The following RYR2 variants were observed in gnomAD, a reference collection of about 807,000 sequenced individuals.
RYR2 encodes the protein ryanodine receptor 2, also known as cardiac muscle ryanodine receptor-calcium release channel.
Under a neutral mutation model 601.1 loss-of-function variants are expected in RYR2, and 227 were observed. The observed-to-expected ratio is 0.38, with a 90% CI of 0.34 to 0.42. RYR2 has a LOEUF of 0.42. RYR2 is among the 10% of genes least tolerant of loss of function. The pLI, the probability that RYR2 is intolerant of heterozygous loss-of-function variation, is 1.00. For synonymous variants in RYR2, 2,223 were observed against 2,175.1 expected, an observed-to-expected ratio of 1.02 and a Z score of -0.61; for missense variants, 4,646 against 6,156.5, an observed-to-expected ratio of 0.75 and a Z score of 8.21.
At chr1:237,475,700 G>T (rs1438098320) in intron 17 of RYR2, among the ~76,000 whole-genome samples, 1 of 152,150 alleles carries the variant, frequency 6.6e-6, no homozygotes, top group Admixed American at 6.5e-5. Context: ...TATAATATAG[G>T]ATGATTAAAT....
At chr1:237,484,376 G>T (rs1184347352) in intron 17 of RYR2, among the ~76,000 whole-genome samples, 1 of 152,108 alleles carries the variant, frequency 6.6e-6, no homozygotes, top group Non-Finnish European at 1.5e-5. Context: ...GGGGGGTGGG[G>T]CATGGTGGTT....
At chr1:237,121,876 C>G (rs529358174) in intron 1 of RYR2, among the ~76,000 whole-genome samples, 1 of 152,260 alleles carries the variant, frequency 6.6e-6, no homozygotes, top group African/African-American at 2.4e-5. Flanking sequence ...TAAAGTCTCT[C>G]TTAGTATCCT....
At chr1:237,689,298 T>C (rs1686727414) in intron 63 of RYR2, among the ~76,000 whole-genome samples, 1 of 152,094 alleles carries the variant, frequency 6.6e-6, no homozygotes, top group Non-Finnish European at 1.5e-5. Context: ...AACAACTTGA[T>C]GAAAATGTAT....
intron 1 of RYR2, among the ~76,000 whole-genome samples, chr1:237,126,326 A>G (rs760845479): frequency 9.9e-5 from 15 of 151,916 alleles, no homozygotes; most frequent in Non-Finnish European, 2.1e-4. Context: ...GGAACTTGCT[A>G]TGAGAGTAAT....
At chr1:237,577,349 C>A (rs1673336712) in intron 29 of RYR2, among the ~76,000 whole-genome samples, 1 of 152,150 alleles carries the variant, frequency 6.6e-6, no homozygotes, top group Non-Finnish European at 1.5e-5. Context: ...TCTTGGAAAT[C>A]TGTGAATATG....
intron 54 of RYR2, among the ~76,000 whole-genome samples, chr1:237,659,376 A>T (rs1431916659): frequency 1.3e-5 from 2 of 152,222 alleles, no homozygotes; most frequent in Non-Finnish European, 2.9e-5. Flanking sequence ...CTAATTACTC[A>T]GATTCTGTAG....
chr1:237,363,577 TAA>T (rs769351838), intron 4 of RYR2, among the ~76,000 whole-genome samples: 52 of 152,110 alleles, frequency 3.4e-4, no homozygotes, highest in Non-Finnish European at 7.1e-4. Flanking sequence ...AATTCAGCCC[TAA>T]GTTTGGAAAT....
At chr1:237,661,091 A>G (rs1423965316) in intron 56 of RYR2, 144 bp downstream of exon 56, 2 of 804,990 alleles carry the variant, frequency 2.5e-6, no homozygotes, top group East Asian at 3.4e-5. Context: ...AAAGCTATAT[A>G]TATATTTTTT....
At chr1:237,216,281 T>C (rs924705714) in intron 1 of RYR2, among the ~76,000 whole-genome samples, 15 of 152,220 alleles carry the variant, frequency 9.9e-5, no homozygotes, top group African/African-American at 3.6e-4. Context: ...TGTGTTTCAA[T>C]AGTTATATTG....
Position 237,660,836 on chromosome 1 carries a change from C to T in RYR2, c.8325C>T (p.Ile2775=), listed in dbSNP as rs1474322992. The change falls in exon 56 of 105, where the codon ATC becomes ATT. Residue 2775 remains isoleucine (I), a synonymous_variant. Transcript: ENST00000366574. ...EKEKEIYRWP[I]KESLKTMLAW... is the part of the protein sequence containing the mutation. ...AAAAAGAAATTTATCGCTGGCCAAT[C>T]AAAGAATCTTTAAAAACTATGCTGG... is the stretch of plus-strand genomic sequence containing the variant. 6 of 1,545,328 alleles carry T rather than the reference C, an allele frequency of 3.9e-6. No individual in the cohort carries two copies. Among genetic ancestry groups the T allele is most frequent in the East Asian group, 2.5e-5 (1 of 40,764 alleles).
At chr1:237,591,555 A>G (rs1675203990) in intron 31 of RYR2, among the ~76,000 whole-genome samples, 184 bp from the exon 32 acceptor site, 1 of 151,962 alleles carries the variant, frequency 6.6e-6, no homozygotes, top group Admixed American at 6.6e-5. Context: ...CACCCACTAG[A>G]TGCCAGTAGC....
intron 29 of RYR2, among the ~76,000 whole-genome samples, chr1:237,579,235 A>G (rs1042950238): frequency 7.7e-6 from 1 of 129,604 alleles, no homozygotes. Flanking sequence ...AGGATAATTT[A>G]CTTCTTCTTC....
chr1:237,761,263 T>C (rs1693413278), intron 84 of RYR2, among the ~76,000 whole-genome samples: 1 of 152,186 alleles, frequency 6.6e-6, no homozygotes, highest in East Asian at 1.9e-4. Flanking sequence ...TTTCCCCTTA[T>C]TGGGTTTTCA....
chr1:237,646,567 G>C (rs928536901), intron 48 of RYR2, among the ~76,000 whole-genome samples: 2 of 152,134 alleles, frequency 1.3e-5, no homozygotes, highest in African/African-American at 4.8e-5. Context: ...TATTTAGTAT[G>C]TGAAGTTTGT....
chr1:237,096,914 T>C (rs1250645584), intron 1 of RYR2, among the ~76,000 whole-genome samples: 1 of 152,160 alleles, frequency 6.6e-6, no homozygotes, highest in Non-Finnish European at 1.5e-5. Context: ...CTTGAAGCAA[T>C]TGGAATTGGT....
chr1:237,422,920 C>G (rs1371702921), intron 11 of RYR2, among the ~76,000 whole-genome samples, 172 bp from the exon 12 acceptor site: 1 of 152,140 alleles, frequency 6.6e-6, no homozygotes, highest in African/African-American at 2.4e-5. Context: ...ACTTATCATT[C>G]TGAATAGCCA....
intron 2 of RYR2, among the ~76,000 whole-genome samples, chr1:237,287,437 A>G (rs1445500953): frequency 6.6e-6 from 1 of 152,218 alleles, no homozygotes; most frequent in African/African-American, 2.4e-5. Context: ...TTCCTCAGGA[A>G]CACTGATTAT....
intron 1 of RYR2, among the ~76,000 whole-genome samples, chr1:237,084,967 A>T (rs1666148649): frequency 2.0e-5 from 3 of 152,222 alleles, no homozygotes; most frequent in African/African-American, 7.2e-5. Context: ...CTGAATAATG[A>T]TAGGAAAGCA....
chr1:237,745,958 A>G (rs950672668), intron 80 of RYR2, among the ~76,000 whole-genome samples: 7 of 151,894 alleles, frequency 4.6e-5, no homozygotes, highest in African/African-American at 1.7e-4. Context: ...ACTATAATTT[A>G]TAATTCACAC....
Sources: gnomAD v4.1 joint callset for allele counts (sites outside exome capture counted in the v4.1 genomes callset) on GRCh38, gnomAD v4.1.1 for gene constraint, MANE v1.5 for transcripts, NCBI Gene and HGNC (gene_info 2026-07-23, HGNC 2026-07-21) for gene names.